Variants in TLN2 observed in about 807,000 individuals in gnomAD.
TLN2 encodes the protein talin 2, also known as talin-2.
TLN2 carries 118 observed loss-of-function variants against 294.7 expected under a neutral mutation model. The ratio of observed to expected loss-of-function variants is 0.40; its 90% CI spans 0.34 to 0.47. The LOEUF is 0.47. Among genes scored for constraint, TLN2 ranks in the 20% least tolerant of loss-of-function variants. The probability of loss-of-function intolerance (pLI) is 0.84; values close to 1 mark genes in which losing one functional copy is unlikely to be tolerated. For missense variants in TLN2, 3,083 were observed against 3,282.2 expected (o/e 0.94, Z 1.48); for synonymous variants, 1,431 against 1,304.5 (o/e 1.10, Z -2.09).
chr15:62,648,067 T>C (rs1404548560), intron 4 of TLN2, among the ~76,000 whole-genome samples: 3 of 152,100 alleles, frequency 2.0e-5, no homozygotes, highest in East Asian at 3.8e-4. Flanking sequence ...AGTTGAGAAA[T>C]TGGATCCCTT....
intron 2 of TLN2, among the ~76,000 whole-genome samples, chr15:62,593,691 G>C (rs1479232737): frequency 2.6e-5 from 4 of 152,062 alleles, no homozygotes; most frequent in Admixed American, 2.0e-4. Flanking sequence ...TTCCATACTG[G>C]GAAGATCTAA....
At chr15:62,586,155 G>A (rs765940265) in intron 1 of TLN2, among the ~76,000 whole-genome samples, 2 of 152,144 alleles carry the variant, frequency 1.3e-5, no homozygotes, top group Non-Finnish European at 2.9e-5. Flanking sequence ...ATGCATCTCC[G>A]TCGCAAATGT....
At chr15:62,664,878 A>AAAAAAAAAAAAAAATG (rs2054391831) in intron 9 of TLN2, among the ~76,000 whole-genome samples, 1 of 145,870 alleles carries the variant, frequency 6.9e-6, no homozygotes, top group Non-Finnish European at 1.5e-5. Context: ...AAAAAAAAAA[A>AAAAAAAAAAAAAAATG]GTGGCTACCT....
intron 9 of TLN2, among the ~76,000 whole-genome samples, chr15:62,659,075 T>C (rs976207106): frequency 1.3e-5 from 2 of 152,188 alleles, no homozygotes; most frequent in Admixed American, 6.5e-5. Context: ...AGGAAGGCGA[T>C]CCGAATGTAG....
chr15:62,577,392 C>T (rs187913749), intron 1 of TLN2, among the ~76,000 whole-genome samples: 87 of 152,182 alleles, frequency 5.7e-4, no homozygotes, highest in African/African-American at 2.0e-3. Context: ...TGTGGTGAGC[C>T]GAGATCGCGT....
chr15:62,485,539 G>A (rs1171922749), intron 1 of TLN2, among the ~76,000 whole-genome samples: 6 of 152,210 alleles, frequency 3.9e-5, no homozygotes, highest in African/African-American at 9.6e-5. Flanking sequence ...GAAGTGCGGG[G>A]TGGGGGCAAG....
intron 1 of TLN2, among the ~76,000 whole-genome samples, chr15:62,486,452 GTTTTTTTTTTTT>G: frequency 1.1e-5 from 1 of 93,292 alleles, no homozygotes; most frequent in African/African-American, 4.2e-5. Context: ...CAGTTCCTTT[GTTTTTTTTTTTT>G]TTTTTTTTTT....
At chr15:62,740,102 G>A (rs2061243589) in intron 31 of TLN2, among the ~76,000 whole-genome samples, 1 of 148,750 alleles carries the variant, frequency 6.7e-6, no homozygotes, top group South Asian at 2.1e-4. Flanking sequence ...TAACCAGGGT[G>A]TATCTTCTTC....
intron 22 of TLN2, among the ~76,000 whole-genome samples, chr15:62,714,823 C>A (rs769904141): frequency 6.6e-6 from 1 of 152,010 alleles, no homozygotes; most frequent in Non-Finnish European, 1.5e-5. Context: ...TACCCCATAT[C>A]TGATACATAT....
intron 52 of TLN2, among the ~76,000 whole-genome samples, chr15:62,818,051 C>G (rs2067255586): frequency 6.6e-6 from 1 of 152,094 alleles, no homozygotes; most frequent in African/African-American, 2.4e-5. Flanking sequence ...CTCAGATGAT[C>G]TACCCGCCCG....
At chr15:62,671,275 A>T (rs528832071) in intron 9 of TLN2, among the ~76,000 whole-genome samples, 1 of 152,294 alleles carries the variant, frequency 6.6e-6, no homozygotes, top group East Asian at 1.9e-4. Flanking sequence ...TTAAAAGTTT[A>T]TAATTTTGAA....
chr15:62,457,271 C>T lies in TLN2; in HGVS notation c.-238+66586C>T, dbSNP rs74799281. Among the ~76,000 whole-genome samples the T allele has an allele frequency of 1.0e-2, 1,516 of 152,266 alleles. 29 individuals are homozygous for T. The highest frequency in any genetic ancestry group is 0.034 in the African/African-American group (1,395 of 41,544). ...GACAGAGCGAGAGAGGGAGAGCGTG[C>T]GAGCGTGCATGCACAGGCAGGCTCT... On this transcript the variant is annotated intron_variant, in intron 1 of 58. Coordinates refer to ENST00000636159, the MANE Select transcript of TLN2 (RefSeq NM_015059.3).
rs962367144 is a variant in TLN2 at position 62,764,418 on chromosome 15, A to G, written c.5094+723A>G. Reference sequence around the variant, plus strand: ...TCTTCCTGCCACTGAATTCATTAACAATCAGCTTTTGGCCCAGAGTTAGTA... The same window carrying G: ...TCTTCCTGCCACTGAATTCATTAACGATCAGCTTTTGGCCCAGAGTTAGTA... On this transcript the variant is annotated intron_variant, in intron 40 of 58. Coordinates refer to ENST00000636159, the MANE Select transcript of TLN2 (RefSeq NM_015059.3). Among the ~76,000 whole-genome samples the G allele has an allele frequency of 9.2e-5, 14 of 152,182 alleles. No homozygotes were observed. The East Asian group carries it at 2.3e-3, about 25-fold the overall frequency.
In TLN2 at chr15:62,842,224, A is replaced by T. The variant is rs565613640; in HGVS notation, c.*1614A>T. On this transcript the variant is annotated 3_prime_UTR_variant, in exon 59 of 59. Transcript: ENST00000636159. The stretch of plus-strand genomic sequence containing the variant: ...TAGAATTTTTTTTTTTCAGACCAGT[A>T]AAGTTAGAGAAAAGACGCTGTAAAG... 3.3e-5 allele frequency: 5 copies of T among 152,054 alleles called. No individual in the cohort carries two copies. Among genetic ancestry groups the T allele is most frequent in the Admixed American group, 6.6e-5 (1 of 15,264 alleles). The allele number at this position is 152,054 out of a possible 1,614,324, so 9.4% of individuals were successfully genotyped here. A position where few individuals can be genotyped will look rare whatever the true frequency, so the allele number is the denominator to read the frequency against.
At chr15:62,668,672 C>T (rs1231276678) in intron 9 of TLN2, among the ~76,000 whole-genome samples, 1 of 152,158 alleles carries the variant, frequency 6.6e-6, no homozygotes, top group Non-Finnish European at 1.5e-5. Flanking sequence ...TGTGCTGTGA[C>T]CCTGGGCAAC....
intron 11 of TLN2, among the ~76,000 whole-genome samples, chr15:62,676,510 C>T (rs1043724867): frequency 1.3e-5 from 2 of 152,182 alleles, no homozygotes; most frequent in Admixed American, 6.5e-5. Context: ...AGTGACTCCA[C>T]TTACCAATAT....
intron 22 of TLN2, 133 bp from the exon 23 acceptor site, chr15:62,716,198 A>G: frequency 1.8e-6 from 2 of 1,136,382 alleles, no homozygotes; most frequent in East Asian, 3.1e-5. Context: ...CATCTTCATC[A>G]TAAAGATATT....
intron 3 of TLN2, among the ~76,000 whole-genome samples, chr15:62,620,837 C>CTTTTTTTTTTTTTTTTTTTTTTTTTT: frequency 1.5e-5 from 1 of 66,418 alleles, no homozygotes; most frequent in Non-Finnish European, 2.9e-5. Context: ...CTTTCTTTTT[C>CTTTTTTTTTTTTTTTTTTTTTTTTTT]TTTTTTTTTT....
At chr15:62,814,191 G>A (rs1031491093) in intron 52 of TLN2, among the ~76,000 whole-genome samples, 2 of 152,138 alleles carry the variant, frequency 1.3e-5, no homozygotes, top group Non-Finnish European at 2.9e-5. Context: ...TGAACCAGTA[G>A]AAGGCAGGAA....
Sources: gnomAD v4.1 joint callset for allele counts (sites outside exome capture counted in the v4.1 genomes callset) on GRCh38, gnomAD v4.1.1 for gene constraint, MANE v1.5 for transcripts, NCBI Gene and HGNC (gene_info 2026-07-23, HGNC 2026-07-21) for gene names.